TENM3: variants seen among roughly 807,000 people sequenced by gnomAD.
The protein encoded by TENM3 is teneurin transmembrane protein 3.
In TENM3, 63 loss-of-function variants were observed where a neutral mutation model predicts 255.1. That is an observed-to-expected ratio of 0.25 (90% CI 0.20 to 0.30). TENM3 has a LOEUF of 0.30. TENM3 is among the 10% of genes least tolerant of loss of function. TENM3 has a pLI of 1.00. For missense variants in TENM3, 2,929 were observed against 3,461.1 expected, an observed-to-expected ratio of 0.85 and a Z score of 3.86; for synonymous variants, 1,306 against 1,322.3, an observed-to-expected ratio of 0.99 and a Z score of 0.27.
At chr4:182,680,194 C>CATA in intron 8 of TENM3, 54 bp from the exon 9 acceptor site, 1 of 1,284,360 alleles carries the variant, frequency 7.8e-7, no homozygotes, top group South Asian at 1.2e-5. Context: ...TACCGTTTAT[C>CATA]TTTTGCAAGA....
chr4:182,371,070 A>G (rs1251740709), intron 3 of TENM3, among the ~76,000 whole-genome samples: 1 of 152,104 alleles, frequency 6.6e-6, no homozygotes, highest in Non-Finnish European at 1.5e-5. Context: ...GAGAAGCAAG[A>G]CTGTTATCCT....
chr4:182,379,873 A>G (rs1767448523), intron 3 of TENM3, among the ~76,000 whole-genome samples: 1 of 152,190 alleles, frequency 6.6e-6, no homozygotes, highest in South Asian at 2.1e-4. Context: ...TCACAGGGTT[A>G]TTGAGCAGAG....
intron 13 of TENM3, among the ~76,000 whole-genome samples, chr4:182,719,968 G>A (rs906127742): frequency 2.6e-5 from 4 of 151,986 alleles, no homozygotes; most frequent in Non-Finnish European, 4.4e-5. Context: ...GGCTGAGGTG[G>A]GAGGATCACC....
At chr4:181,959,522 A>G in the TENM3 span, among the ~76,000 whole-genome samples, 1 of 152,242 alleles carries the variant, frequency 6.6e-6, no homozygotes, top group Non-Finnish European at 1.5e-5. Context: ...ATTCAAATTC[A>G]GTTAATGAAT....
chr4:182,494,861 A>G (rs1232742844), intron 3 of TENM3, among the ~76,000 whole-genome samples: 1 of 152,180 alleles, frequency 6.6e-6, no homozygotes, highest in Non-Finnish European at 1.5e-5. Flanking sequence ...AATTTGATGC[A>G]GAAATTATTG....
intron 3 of TENM3, among the ~76,000 whole-genome samples, chr4:182,461,156 G>A (rs138798079): frequency 5.5e-4 from 83 of 152,196 alleles, no homozygotes; most frequent in Non-Finnish European, 1.9e-4. Flanking sequence ...TCACTTTCCT[G>A]CCTTAAACTT....
At chr4:181,607,468 G>T in the TENM3 span, among the ~76,000 whole-genome samples, 2 of 150,284 alleles carry the variant, frequency 1.3e-5, no homozygotes, top group East Asian at 3.9e-4. Context: ...AGGCTGGAGT[G>T]CAGTGGCACG....
chr4:181,502,279 T>A, the TENM3 span, among the ~76,000 whole-genome samples: 1 of 152,052 alleles, frequency 6.6e-6, no homozygotes, highest in South Asian at 2.1e-4. Context: ...TGATAGTGAT[T>A]GTTAATGTTG....
the TENM3 span, among the ~76,000 whole-genome samples, chr4:181,587,607 C>CA: frequency 6.6e-6 from 1 of 152,126 alleles, no homozygotes; most frequent in Non-Finnish European, 1.5e-5. Context: ...GCATGACCAC[C>CA]AGTAACGGAA....
intron 24 of TENM3, among the ~76,000 whole-genome samples, chr4:182,787,584 A>C (rs1765768875): frequency 6.6e-6 from 1 of 151,868 alleles, no homozygotes; most frequent in African/African-American, 2.4e-5. Flanking sequence ...AAATACAAAA[A>C]TTAGCTGGGT....
At chr4:181,638,180 G>A in the TENM3 span, among the ~76,000 whole-genome samples, 4 of 152,160 alleles carry the variant, frequency 2.6e-5, no homozygotes. Flanking sequence ...ACTGGTTGTT[G>A]GTAATAGAAC....
At chr4:181,849,188 A>G in the TENM3 span, among the ~76,000 whole-genome samples, 1 of 152,342 alleles carries the variant, frequency 6.6e-6, no homozygotes, top group Non-Finnish European at 1.5e-5. Context: ...CAAAGGAGGA[A>G]CATTACTCCC....
chr4:182,091,008 T>C, the TENM3 span, among the ~76,000 whole-genome samples: 2 of 152,240 alleles, frequency 1.3e-5, no homozygotes, highest in Non-Finnish European at 2.9e-5. Context: ...GCTTTAACAA[T>C]ATTGAGTTAT....
chr4:182,374,273 G>A (rs1767032347), intron 3 of TENM3, among the ~76,000 whole-genome samples: 1 of 152,122 alleles, frequency 6.6e-6, no homozygotes, highest in African/African-American at 2.4e-5. Flanking sequence ...CTAAATCTGA[G>A]CTGTATTTGA....
the TENM3 span, among the ~76,000 whole-genome samples, chr4:181,790,325 A>G: frequency 4.0e-4 from 61 of 152,204 alleles, no homozygotes; most frequent in Non-Finnish European, 7.1e-4. Flanking sequence ...CTTTTCTCCA[A>G]TCACACAAAA....
At position 182,433,024 on chromosome 4, in the gene TENM3, C is replaced by G. The variant is rs560674791; in HGVS notation, c.511+86095C>G. 3.9e-5 allele frequency among the ~76,000 whole-genome samples: 6 copies of G among 152,196 alleles called. No individual in the cohort carries two copies. The South Asian group carries it at 1.2e-3, about 32-fold the overall frequency. ...GGATCCTATTTTTAAACAGGTGTTT[C>G]TGAATGCAGTGTGAAGAATGTGTTG... On this transcript the variant is annotated intron_variant, in intron 3 of 27. Coordinates refer to ENST00000511685, the MANE Select transcript of TENM3 (RefSeq NM_001080477.4).
At chr4:182,617,194 T>C (rs1749623402) in intron 4 of TENM3, among the ~76,000 whole-genome samples, 1 of 152,208 alleles carries the variant, frequency 6.6e-6, no homozygotes, top group African/African-American at 2.4e-5. Context: ...GGGCTGATTC[T>C]GTGATATTTA....
intron 3 of TENM3, among the ~76,000 whole-genome samples, chr4:182,573,801 G>A (rs1052200380): frequency 1.9e-4 from 29 of 152,154 alleles, no homozygotes; most frequent in African/African-American, 6.7e-4. Flanking sequence ...CAAATGTTAT[G>A]TTTTATTTAT....
At chr4:182,041,201 A>ATGTGTATGTG in the TENM3 span, among the ~76,000 whole-genome samples, 2 of 152,048 alleles carry the variant, frequency 1.3e-5, no homozygotes, top group Non-Finnish European at 1.5e-5. Flanking sequence ...TCGTGTATGT[A>ATGTGTATGTG]TGTGTATGTG....
Sources: allele counts gnomAD v4.1 joint callset (sites outside exome capture counted in the v4.1 genomes callset), GRCh38; gene constraint gnomAD v4.1.1; transcripts MANE v1.5; gene names NCBI Gene and HGNC (gene_info 2026-07-23, HGNC 2026-07-21).